Variants in RHOT1 observed in about 807,000 individuals in gnomAD.
The protein encoded by RHOT1 is mitochondrial Rho GTPase 1.
Under a neutral mutation model 95.3 loss-of-function variants are expected in RHOT1, and 27 were observed. The ratio of observed to expected loss-of-function variants is 0.28; its 90% confidence interval spans 0.21 to 0.39. The LOEUF (loss-of-function observed/expected upper bound fraction) is 0.39. Among genes scored for constraint, RHOT1 ranks in the 10% least tolerant of loss-of-function variants. The pLI, the probability that RHOT1 is intolerant of heterozygous loss-of-function variation, is 1.00. For synonymous variants in RHOT1, 227 were observed against 263.5 expected, an observed-to-expected ratio of 0.86 and a Z score of 1.34; for missense variants, 578 against 786.7, an observed-to-expected ratio of 0.73 and a Z score of 3.17.
chr17:32,194,186 G>A, intron 11 of RHOT1, 79 bp downstream of exon 11: 1 of 1,461,790 alleles, frequency 6.8e-7, no homozygotes, highest in Non-Finnish European at 9.5e-7. Flanking sequence ...TTCCCAGGCT[G>A]GTCTTGAACT....
rs566044114 is a variant in RHOT1 at position 32,187,267 on chromosome 17, A to G, written c.540+3995A>G. 2.0e-5 allele frequency among the ~76,000 whole-genome samples: 3 copies of G among 152,238 alleles called. No individual in the cohort carries two copies. The South Asian group carries it at 6.2e-4, about 32-fold the overall frequency. ...GCACCACTGCACTCCAGCCTGGGCT[A>G]CAGATTGAGACTCTGTCTCAAAAAA... On this transcript the variant is annotated intron_variant, in intron 8 of 19. Transcript: ENST00000545287.
chr17:32,189,400 CTT>C (rs1254216482), intron 8 of RHOT1, among the ~76,000 whole-genome samples: 10 of 152,196 alleles, frequency 6.6e-5, no homozygotes, highest in Non-Finnish European at 1.2e-4. Flanking sequence ...GGGAAACAGT[CTT>C]AATACTGTGG....
chr17:32,142,730 G>A lies in RHOT1; in HGVS notation c.37+1G>A. 4 of 1,517,682 alleles carry A rather than the reference G, an allele frequency of 2.6e-6. No individual in the cohort carries two copies. Among genetic ancestry groups the A allele is most frequent in the Non-Finnish European group, 3.5e-6 (4 of 1,134,462 alleles). 94.0% of individuals were successfully genotyped at this position (1,517,682 alleles called of 1,614,324 possible). ...GTGCGGATCCTGCTGGTGGGAGAAC[G>A]TGAGTCCGCACCCTCTGGCCGGCCC... On this transcript the variant is annotated splice_donor_variant, in intron 1 of 19. Coordinates refer to ENST00000545287, the MANE Select transcript of RHOT1 (RefSeq NM_001033566.3). LOFTEE classifies it high-confidence loss of function.
intron 1 of RHOT1, among the ~76,000 whole-genome samples, chr17:32,163,238 A>G (rs928144234): frequency 2.0e-5 from 3 of 152,164 alleles, no homozygotes; most frequent in Admixed American, 6.6e-5. Flanking sequence ...AGACTGGAGA[A>G]AGGGATAGGA....
At position 32,192,270 on chromosome 17, in the gene RHOT1, C is replaced by G. The variant is rs1322550540; in HGVS notation, c.610C>G (p.Leu204Val). 3 of 1,580,634 alleles carry G rather than the reference C, an allele frequency of 1.9e-6. No individual in the cohort carries two copies. The highest frequency in any genetic ancestry group is 1.7e-6 in the Non-Finnish European group (2 of 1,161,280). ...ATCTGATCAAGATAATGATGGTACTCTCAATGATGCTGAACTCAACTTCTT... is the reference window on the plus strand; with the variant it reads ...ATCTGATCAAGATAATGATGGTACTGTCAATGATGCTGAACTCAACTTCTT... ...KISDQDNDGT[L>V]NDAELNFFQR... is the part of the protein sequence containing the mutation. Residue 204 changes from leucine to valine, a missense_variant, in exon 9 of 20, where the codon CTC becomes GTC. Leu to Val is a conservative substitution (Grantham distance 32, BLOSUM62 1). Coordinates refer to ENST00000545287, the MANE Select transcript of RHOT1 (RefSeq NM_001033566.3).
intron 3 of RHOT1, 26 bp from the exon 4 acceptor site, chr17:32,175,293 A>C: frequency 6.2e-7 from 1 of 1,607,592 alleles, no homozygotes; most frequent in East Asian, 2.2e-5. Flanking sequence ...CTGCAATATG[A>C]AACATTGACT....
At chr17:32,223,849 TTGAGGGTACTTAC>T (rs2038983495) in intron 19 of RHOT1, among the ~76,000 whole-genome samples, 1 of 152,234 alleles carries the variant, frequency 6.6e-6, no homozygotes, top group South Asian at 2.1e-4. Context: ...CTTGAGACTC[TTGAGGGTACTTAC>T]TGAGCATGCT....
Position 32,224,996 on chromosome 17 carries a change from A to C in RHOT1, c.*263A>C. The C allele has an allele frequency of 4.3e-6, 1 of 234,546 alleles. No homozygotes were observed. The highest frequency in any genetic ancestry group is 8.6e-6 in the Non-Finnish European group (1 of 116,714). The allele number at this position is 234,546 out of a possible 1,614,324, so 14.5% of individuals were successfully genotyped here. A position where few individuals can be genotyped will look rare whatever the true frequency, so the allele number is the denominator to read the frequency against. Reference sequence around the variant, plus strand: ...ATTTTGTAAATATATGTACATATTCAGGCAAGATATGGTCTCCCAAGCTGA... The same window carrying C: ...ATTTTGTAAATATATGTACATATTCCGGCAAGATATGGTCTCCCAAGCTGA... On this transcript the variant is annotated 3_prime_UTR_variant, in exon 20 of 20. Transcript: ENST00000545287.
chr17:32,203,513 A>G (rs1441082486), intron 15 of RHOT1, among the ~76,000 whole-genome samples: 1 of 151,982 alleles, frequency 6.6e-6, no homozygotes, highest in Non-Finnish European at 1.5e-5. Flanking sequence ...TTGGCCTCCC[A>G]AAGTGCTGGG....
Position 32,201,063 on chromosome 17 carries a change from A to C in RHOT1, c.1201+7A>C. 6.6e-7 allele frequency: 1 copy of C among 1,521,744 alleles called. No homozygotes were observed. 94.3% of individuals were successfully genotyped at this position (1,521,744 alleles called of 1,614,324 possible). A position where few individuals can be genotyped will look rare whatever the true frequency, so the allele number is the denominator to read the frequency against. ...CAAGCTTCAGCTGTTACAGGTAAGTATCTAGATACTGTTCAGCTCATGATT... is the reference window on the plus strand; with the variant it reads ...CAAGCTTCAGCTGTTACAGGTAAGTCTCTAGATACTGTTCAGCTCATGATT... On this transcript the variant is annotated splice_region_variant and intron_variant, in intron 14 of 19. Transcript: ENST00000545287.
rs111444435 is a variant in RHOT1 at position 32,202,703 on chromosome 17, G to A, written c.1202-67G>A. ...AGCAATGCCCTATTTTGCAAAAGGTGGAATGGAGGCTTAGTGAATCTAAGT... is the reference window on the plus strand; with the variant it reads ...AGCAATGCCCTATTTTGCAAAAGGTAGAATGGAGGCTTAGTGAATCTAAGT... On this transcript the variant is annotated intron_variant, in intron 14 of 19. Transcript: ENST00000545287. 4.1e-6 allele frequency: 5 copies of A among 1,222,132 alleles called. No homozygotes were observed. The African/African-American group carries it at 4.6e-5, about 11-fold the overall frequency. 75.7% of individuals were successfully genotyped at this position (1,222,132 alleles called of 1,614,324 possible).
At chr17:32,213,379 AT>A (rs1178479790) in intron 19 of RHOT1, among the ~76,000 whole-genome samples, 1 of 152,206 alleles carries the variant, frequency 6.6e-6, no homozygotes, top group Non-Finnish European at 1.5e-5. Context: ...ATGATGTTGA[AT>A]ACCCAGAGGT....
At chr17:32,219,501 T>A (rs1460320689) in intron 19 of RHOT1, among the ~76,000 whole-genome samples, 4 of 152,218 alleles carry the variant, frequency 2.6e-5, no homozygotes, top group African/African-American at 4.8e-5. Flanking sequence ...ACTAAAGATA[T>A]TCAGTGCAAA....
intron 19 of RHOT1, among the ~76,000 whole-genome samples, chr17:32,223,605 G>A (rs2038963754): frequency 6.6e-6 from 1 of 151,722 alleles, no homozygotes; most frequent in Non-Finnish European, 1.5e-5. Context: ...AGTAGAGACG[G>A]GGTTTCACCA....
chr17:32,165,522 CAAAA>C (rs113306708), intron 1 of RHOT1, among the ~76,000 whole-genome samples: 1 of 134,938 alleles, frequency 7.4e-6, no homozygotes, highest in Non-Finnish European at 1.6e-5. Flanking sequence ...GACCCTGTCT[CAAAA>C]AAAAAAAAAG....
chr17:32,173,985 T>C, intron 3 of RHOT1, 73 bp downstream of exon 3: 1 of 1,038,764 alleles, frequency 9.6e-7, no homozygotes, highest in Non-Finnish European at 1.5e-6. Context: ...TTACTGAGCT[T>C]TTACAAATGT....
chr17:32,148,403 A>G (rs939270479), intron 1 of RHOT1, among the ~76,000 whole-genome samples: 1 of 152,266 alleles, frequency 6.6e-6, no homozygotes, highest in African/African-American at 2.4e-5. Flanking sequence ...TAAAGAGTCT[A>G]TTCTGTTCGT....
At chr17:32,199,638 G>A in intron 13 of RHOT1, 88 bp downstream of exon 13, 1 of 1,150,336 alleles carries the variant, frequency 8.7e-7, no homozygotes, top group South Asian at 1.9e-5. Context: ...AAGCTTGTGA[G>A]GCATTATGAA....
At chr17:32,180,697 CAAAAAA>C (rs34530711) in intron 6 of RHOT1, among the ~76,000 whole-genome samples, 2 of 77,748 alleles carry the variant, frequency 2.6e-5, no homozygotes, top group Admixed American at 1.4e-4. Flanking sequence ...TGTTTTAAGC[CAAAAAA>C]AAAAAAAAAA....
Sources: allele counts gnomAD v4.1 joint callset (sites outside exome capture counted in the v4.1 genomes callset), GRCh38; gene constraint gnomAD v4.1.1; transcripts MANE v1.5; gene names NCBI Gene and HGNC (gene_info 2026-07-23, HGNC 2026-07-21).